ANKLE2: variants seen among roughly 807,000 people sequenced by gnomAD.
ANKLE2 encodes ankyrin repeat and LEM domain-containing protein 2.
Under a neutral mutation model 84.2 loss-of-function variants are expected in ANKLE2, and 55 were observed. That is an observed-to-expected ratio of 0.65 (90% confidence interval 0.53 to 0.82). The LOEUF (loss-of-function observed/expected upper bound fraction) is 0.82. Among genes scored for constraint, ANKLE2 ranks in the 40% least tolerant of loss-of-function variants. The pLI, the probability that ANKLE2 is intolerant of heterozygous loss-of-function variation, is 0.00. For synonymous variants in ANKLE2, 551 were observed against 486.1 expected, an observed-to-expected ratio of 1.13 and a Z score of -1.76; for missense variants, 1,238 against 1,201.9, an observed-to-expected ratio of 1.03 and a Z score of -0.44.
chr12:132,730,511 A>C (rs531542675), intron 10 of ANKLE2: 2 of 504,690 alleles, frequency 4.0e-6, no homozygotes, highest in East Asian at 5.9e-5. Flanking sequence ...AAGGGCAAAC[A>C]GGACCCTCCA....
In ANKLE2 at chr12:132,748,014, A is replaced by G; in HGVS notation, c.1048T>C (p.Cys350Arg). 6.3e-7 allele frequency: 1 copy of G among 1,598,652 alleles called. No individual in the cohort carries two copies. Among genetic ancestry groups the G allele is most frequent in the South Asian group, 1.1e-5 (1 of 89,942 alleles). ...GDNPTIVQEG[C>R]RYNVMHVAAK... ...GCAACATGCATCACGTTGTACCTGC[A>G]CCCTTCCTGAAAGAGAACCGCATGC... Residue 350 changes from cysteine (C) to arginine (R), a missense_variant, in exon 5 of 13, where the codon TGC becomes CGC. By Grantham distance (180) the Cys-to-Arg change is radical (BLOSUM62 -3). Around this residue, in one of 3 missense-constraint regions of ANKLE2, gnomAD observed 802 missense variants for 774.5 expected, o/e 1.04. Transcript: ENST00000357997.
rs1264048500 is a variant in ANKLE2, at chr12:132,761,625, G to T, written c.174C>A (p.Pro58=). Residue 58 remains proline (P), a synonymous_variant, in exon 1 of 13, where the codon CCC becomes CCA. Coordinates refer to ENST00000357997, the MANE Select transcript of ANKLE2 (RefSeq NM_015114.3). The part of the protein sequence containing the change: ...PVPPPSAAAA[P]ASGEMTMDAL... ...CGACCGCCTGGGCCTTACCTGAGGC[G>T]GGGGCGGCGGCCGCGCTTGGCGGAG... 2 of 1,256,284 alleles carry T rather than the reference G, an allele frequency of 1.6e-6. No individual in the cohort carries two copies. The highest frequency in any genetic ancestry group is 1.0e-6 in the Non-Finnish European group (1 of 1,000,560). 77.8% of individuals were successfully genotyped at this position (1,256,284 alleles called of 1,614,324 possible).
chr12:132,736,149 A>T (rs1183237439), intron 8 of ANKLE2, among the ~76,000 whole-genome samples: 1 of 151,948 alleles, frequency 6.6e-6, no homozygotes, highest in Non-Finnish European at 1.5e-5. Context: ...GACGGGTTTC[A>T]CCGTGTTAGC....
At chr12:132,741,141 C>G (rs919141966) in intron 7 of ANKLE2, among the ~76,000 whole-genome samples, 1 of 152,176 alleles carries the variant, frequency 6.6e-6, no homozygotes, top group Admixed American at 6.5e-5. Flanking sequence ...AGGGATGAGG[C>G]CACCAGCAAC....
intron 8 of ANKLE2, among the ~76,000 whole-genome samples, chr12:132,736,502 G>A (rs1276196041): frequency 6.6e-6 from 1 of 152,240 alleles, no homozygotes; most frequent in Non-Finnish European, 1.5e-5. Flanking sequence ...ACAGGGAAAC[G>A]TGGTCAGGAG....
At position 132,761,809 on chromosome 12, in the gene ANKLE2, CG is replaced by C; in HGVS notation, c.-12del. ...CCGCGGCCACAGCATCGCCGCCGCC[CG>C]GGCCGCAGCCGCCGAGAAGCCCGCG... On this transcript the variant is annotated 5_prime_UTR_variant, in exon 1 of 13. Transcript: ENST00000357997. 9.6e-7 allele frequency: 1 copy of C among 1,045,008 alleles called. No individual in the cohort carries two copies. Among genetic ancestry groups the C allele is most frequent in the Non-Finnish European group, 1.1e-6 (1 of 871,294 alleles). 64.7% of individuals were successfully genotyped at this position (1,045,008 alleles called of 1,614,324 possible).
Position 132,742,977 on chromosome 12 carries a change from C to A in ANKLE2, c.1353+177G>T, listed in dbSNP as rs917008699. Among the ~76,000 whole-genome samples, 6 of 152,138 alleles carry A rather than the reference C, an allele frequency of 3.9e-5. No homozygotes were observed. The East Asian group carries it at 1.2e-3, about 29-fold the overall frequency. ...TCCTTCCCTCCTGGTTCTACAGATG[C>A]ATCTTCTTCACAAAGTGCATCTTAC... On this transcript the variant is annotated intron_variant, in intron 6 of 12. Coordinates refer to ENST00000357997, the MANE Select transcript of ANKLE2 (RefSeq NM_015114.3).
Position 132,727,357 on chromosome 12 carries a change from C to T in ANKLE2, c.2702G>A (p.Ser901Asn), listed in dbSNP as rs1266314821. 1 of 1,561,880 alleles carries T rather than the reference C, an allele frequency of 6.4e-7. No homozygotes were observed. The part of the protein sequence containing the change: ...GPHSYSPGRN[S>N]VAGSNPAKPG... Reference sequence around the variant, plus strand: ...CTTTGCGGGGTTGCTTCCAGCCACGCTGTTTCTCCCCGGACTGTAGCTGTG... The same window carrying T: ...CTTTGCGGGGTTGCTTCCAGCCACGTTGTTTCTCCCCGGACTGTAGCTGTG... The change falls in exon 13 of 13, where the codon AGC becomes AAC. Residue 901 changes from serine (S) to asparagine (N), a missense_variant. Around this residue, in one of 3 missense-constraint regions of ANKLE2, gnomAD observed 802 missense variants for 774.5 expected, o/e 1.04. Coordinates refer to ENST00000357997, the MANE Select transcript of ANKLE2 (RefSeq NM_015114.3).
intron 2 of ANKLE2, chr12:132,751,138 A>G (rs891126102): frequency 2.0e-5 from 5 of 254,554 alleles, no homozygotes; most frequent in Non-Finnish European, 2.9e-5. Context: ...AGATCTAAAT[A>G]AAAATTATTA....
intron 1 of ANKLE2, 68 bp downstream of exon 1, chr12:132,761,550 G>T: frequency 8.6e-7 from 1 of 1,163,078 alleles, no homozygotes; most frequent in Non-Finnish European, 1.1e-6. Flanking sequence ...GGGACCCCAG[G>T]CCCGAGGAGG....
chr12:132,732,915 C>T (rs1165012706), intron 10 of ANKLE2, among the ~76,000 whole-genome samples: 1 of 142,210 alleles, frequency 7.0e-6, no homozygotes, highest in Non-Finnish European at 1.5e-5. Flanking sequence ...AAGCGCTCTG[C>T]ATCCTGGTGT....
chr12:132,761,774 C>A lies in ANKLE2; in HGVS notation c.25G>T (p.Ala9Ser). 2 of 1,158,208 alleles carry A rather than the reference C, an allele frequency of 1.7e-6. No individual in the cohort carries two copies. The highest frequency in any genetic ancestry group is 2.1e-6 in the Non-Finnish European group (2 of 942,514). The allele number at this position is 1,158,208 out of a possible 1,614,324, so 71.7% of individuals were successfully genotyped here. A position where few individuals can be genotyped will look rare whatever the true frequency, so the allele number is the denominator to read the frequency against. The change falls in exon 1 of 13, where the codon GCC (alanine) becomes TCC (serine). Residue 9 changes from alanine to serine, a missense_variant. Physicochemically the swap from Ala to Ser is moderately conservative, Grantham distance 99 (BLOSUM62 1). Around this residue, in one of 3 missense-constraint regions of ANKLE2, gnomAD observed 422 missense variants for 394.5 expected, o/e 1.07. Coordinates refer to ENST00000357997, the MANE Select transcript of ANKLE2 (RefSeq NM_015114.3). Reference protein sequence around the residue: MLWPRLAAAEWAALAWELL... With the variant: MLWPRLAASEWAALAWELL... ...TCCCAGGCCAGCGCCGCCCACTCGG[C>A]CGCCGCCAGCCGCGGCCACAGCATC...
intron 11 of ANKLE2, among the ~76,000 whole-genome samples, chr12:132,729,015 G>A (rs978229582): frequency 2.0e-5 from 3 of 152,030 alleles, no homozygotes; most frequent in Admixed American, 6.5e-5. Context: ...CTAGAAGCTG[G>A]ACTCAGAGAC....
chr12:132,729,294 T>C (rs752025806), intron 11 of ANKLE2, among the ~76,000 whole-genome samples: 1 of 129,842 alleles, frequency 7.7e-6, no homozygotes, highest in Admixed American at 8.3e-5. Context: ...GAGGTTACAG[T>C]GAGCTGTGAT....
rs753510158 is a variant in ANKLE2 at position 132,728,052 on chromosome 12, G to T, written c.2595C>A (p.Tyr865Ter). 14 of 1,609,310 alleles carry T rather than the reference G, an allele frequency of 8.7e-6. No individual in the cohort carries two copies. The highest frequency in any genetic ancestry group is 7.6e-6 in the Non-Finnish European group (9 of 1,179,060). Reference protein sequence around the residue: ...VHRWKSAVLCYSPSDRQSWPS... With the variant: ...VHRWKSAVLC ...CATACCTCTGTCTGTCCGAGGGTGA[G>T]TAGCACAGGACAGCACTCTTCCATC... Residue 865 changes from tyrosine (Y) to a stop codon, truncating the protein, a stop_gained, in exon 12 of 13, where the codon TAC becomes TAA. Coordinates refer to ENST00000357997, the MANE Select transcript of ANKLE2 (RefSeq NM_015114.3). LOFTEE classifies it low-confidence loss of function (END_TRUNC).
At position 132,747,995 on chromosome 12, in the gene ANKLE2, T is replaced by A; in HGVS notation, c.1067A>T (p.His356Leu). The A allele has an allele frequency of 1.3e-6, 2 of 1,598,322 alleles. No homozygotes were observed. Among genetic ancestry groups the A allele is most frequent in the Non-Finnish European group, 1.7e-6 (2 of 1,175,746 alleles). ...AGCCTGGTTCTCTTTGGCAGCAACA[T>A]GCATCACGTTGTACCTGCACCCTTC... ...VQEGCRYNVMHVAAKENQASI... is the reference protein window; with the variant it reads ...VQEGCRYNVMLVAAKENQASI... The change falls in exon 5 of 13, where the codon CAT becomes CTT. Residue 356 changes from histidine to leucine, a missense_variant. By Grantham distance (99) the His-to-Leu change is moderately conservative. This residue lies in a region of ANKLE2 where 802 missense variants were observed against 774.5 expected (regional missense o/e 1.04). Coordinates refer to ENST00000357997, the MANE Select transcript of ANKLE2 (RefSeq NM_015114.3).
At chr12:132,760,085 G>A (rs1039551869) in intron 1 of ANKLE2, 1 of 140,210 alleles carries the variant, frequency 7.1e-6, no homozygotes, top group African/African-American at 2.7e-5. Flanking sequence ...AGTGAGCCGA[G>A]ATCGCGCCAC....
chr12:132,758,405 A>C (rs947315063), intron 1 of ANKLE2: 1 of 152,216 alleles, frequency 6.6e-6, no homozygotes, highest in African/African-American at 2.4e-5. Flanking sequence ...AAAAAGAATA[A>C]ACCCGCGGAC....
chr12:132,741,017 C>T (rs2044111726), intron 7 of ANKLE2, among the ~76,000 whole-genome samples: 1 of 152,116 alleles, frequency 6.6e-6, no homozygotes, highest in African/African-American at 2.4e-5. Context: ...GGCCAGCCAC[C>T]CAGCCAAGGA....
Sources: allele counts gnomAD v4.1 joint callset (sites outside exome capture counted in the v4.1 genomes callset), GRCh38; gene constraint gnomAD v4.1.1; regional missense constraint gnomAD v4.1.1; transcripts MANE v1.5; gene names NCBI Gene and HGNC (gene_info 2026-07-23, HGNC 2026-07-21).